Variants in RSU1 observed in about 807,000 individuals in gnomAD.
RSU1 encodes the protein rsu-1.
Under a neutral mutation model 31.1 loss-of-function variants are expected in RSU1, and 26 were observed. That is an observed-to-expected ratio of 0.84 (90% CI 0.61 to 1.16). The LOEUF is 1.16. Ranked by LOEUF, RSU1 falls within the 50% of genes most tolerant of loss-of-function variation. The pLI, the probability that RSU1 is intolerant of heterozygous loss-of-function variation, is 0.00. For missense variants in RSU1, 320 were observed against 339.1 expected, an observed-to-expected ratio of 0.94 and a Z score of 0.44; for synonymous variants, 164 against 136.3, an observed-to-expected ratio of 1.20 and a Z score of -1.41.
chr10:16,722,310 G>A (rs1836281461), intron 7 of RSU1, among the ~76,000 whole-genome samples: 2 of 152,144 alleles, frequency 1.3e-5, no homozygotes, highest in South Asian at 2.1e-4. Flanking sequence ...CCACACTAAT[G>A]AGGTGGGAAT....
chr10:16,676,122 T>A (rs1198727638), intron 8 of RSU1, among the ~76,000 whole-genome samples: 2 of 152,220 alleles, frequency 1.3e-5, no homozygotes, highest in Non-Finnish European at 2.9e-5. Flanking sequence ...TACCCTTTAA[T>A]ATGCATTAAC....
At chr10:16,671,501 T>C (rs868032528) in intron 8 of RSU1, among the ~76,000 whole-genome samples, 10 of 152,252 alleles carry the variant, frequency 6.6e-5, no homozygotes, top group Middle Eastern at 6.8e-3. Context: ...CAGGCTGGAG[T>C]ACAGTGGTAT....
At chr10:16,626,133 C>A (rs1288210734) in intron 8 of RSU1, among the ~76,000 whole-genome samples, 1 of 151,814 alleles carries the variant, frequency 6.6e-6, no homozygotes, top group African/African-American at 2.4e-5. Flanking sequence ...GCAGCCTCAT[C>A]CTCCCAGGCT....
intron 2 of RSU1, among the ~76,000 whole-genome samples, chr10:16,783,662 TTTTTTTTGTTTTG>T (rs1269664894): frequency 6.6e-6 from 1 of 152,110 alleles, no homozygotes; most frequent in Non-Finnish European, 1.5e-5. Flanking sequence ...CCGCATGTTT[TTTTTTTTGTTTTG>T]TTTTTTGTTT....
chr10:16,727,194 C>A (rs960991120), intron 7 of RSU1: 3 of 455,132 alleles, frequency 6.6e-6, no homozygotes, highest in African/African-American at 6.0e-5. Flanking sequence ...AGAGTGGACT[C>A]ACCTGGGCGG....
intron 8 of RSU1, among the ~76,000 whole-genome samples, chr10:16,684,274 C>G (rs920678878): frequency 6.6e-6 from 1 of 152,022 alleles, no homozygotes; most frequent in African/African-American, 2.4e-5. Context: ...TAATGTTATG[C>G]CAGAGTCAGA....
At chr10:16,799,062 G>A (rs776692765) in intron 2 of RSU1, among the ~76,000 whole-genome samples, 15 of 152,086 alleles carry the variant, frequency 9.9e-5, no homozygotes, top group African/African-American at 2.4e-4. Flanking sequence ...CTCCTAATGC[G>A]CATAAAAGAT....
At chr10:16,600,861 T>C (rs1833705429) in intron 8 of RSU1, among the ~76,000 whole-genome samples, 1 of 152,172 alleles carries the variant, frequency 6.6e-6, no homozygotes, top group African/African-American at 2.4e-5. Flanking sequence ...AGCGCCTGGC[T>C]GATAGGTGGA....
chr10:16,755,295 G>T (rs1357559793), intron 4 of RSU1, among the ~76,000 whole-genome samples: 3 of 151,854 alleles, frequency 2.0e-5, no homozygotes, highest in African/African-American at 7.3e-5. Flanking sequence ...GCTAATGTTT[G>T]TATTTTTTGC....
intron 7 of RSU1, among the ~76,000 whole-genome samples, chr10:16,747,177 C>T (rs887142524): frequency 1.3e-5 from 2 of 152,186 alleles, no homozygotes; most frequent in African/African-American, 2.4e-5. Flanking sequence ...ATCCTCGATC[C>T]TTCTGGCTTC....
chr10:16,764,805 A>G (rs2131631708), intron 3 of RSU1, among the ~76,000 whole-genome samples: 1 of 152,322 alleles, frequency 6.6e-6, no homozygotes, highest in Non-Finnish European at 1.5e-5. Context: ...GAATTTCTGT[A>G]CCATAAACAG....
intron 1 of RSU1, 83 bp downstream of exon 1, chr10:16,817,232 G>C: frequency 2.2e-6 from 1 of 455,850 alleles, no homozygotes; most frequent in Non-Finnish European, 3.7e-6. Context: ...CGGGTGCGGG[G>C]AGGGGATGGA....
At chr10:16,750,078 T>C (rs1836944138) in intron 7 of RSU1, among the ~76,000 whole-genome samples, 1 of 152,182 alleles carries the variant, frequency 6.6e-6, no homozygotes, top group Non-Finnish European at 1.5e-5. Context: ...TTACGATAAT[T>C]ATAGGTGATA....
intron 8 of RSU1, among the ~76,000 whole-genome samples, chr10:16,632,567 C>T (rs563130567): frequency 6.6e-6 from 1 of 152,322 alleles, no homozygotes; most frequent in Admixed American, 6.5e-5. Context: ...TCACAACCAC[C>T]ATGCCCCACA....
intron 8 of RSU1, among the ~76,000 whole-genome samples, chr10:16,604,531 C>T (rs1291902130): frequency 2.0e-5 from 3 of 152,148 alleles, no homozygotes; most frequent in Admixed American, 2.0e-4. Flanking sequence ...AGCTCCCCTC[C>T]TATACCTTCT....
chr10:16,785,055 T>G (rs1329678357), intron 2 of RSU1, among the ~76,000 whole-genome samples: 2 of 152,170 alleles, frequency 1.3e-5, no homozygotes, highest in African/African-American at 4.8e-5. Context: ...ATGCTAAGTA[T>G]TGATCCTAGG....
chr10:16,785,469 T>TATATACATATATACATATATATAC (rs1190894470), intron 2 of RSU1, among the ~76,000 whole-genome samples: 5 of 130,694 alleles, frequency 3.8e-5, no homozygotes, highest in African/African-American at 1.4e-4. Context: ...CATATATATA[T>TATATACATATATACATATATATAC]ACACATATAT....
intron 8 of RSU1, among the ~76,000 whole-genome samples, chr10:16,691,810 C>G (rs980043476): frequency 1.4e-5 from 2 of 147,742 alleles, no homozygotes; most frequent in African/African-American, 5.0e-5. Context: ...TCTATCTCAA[C>G]TCACTGCAAC....
Position 16,598,822 on chromosome 10 carries a change from A to G in RSU1, c.732-5326T>C, listed in dbSNP as rs1312079223. ...GTTCTTGGTAATGTGTTAGAGCAATAGAGAACTAACATAGTAGGTGAGCCT... is the reference window on the plus strand; with the variant it reads ...GTTCTTGGTAATGTGTTAGAGCAATGGAGAACTAACATAGTAGGTGAGCCT... On this transcript the variant is annotated intron_variant, in intron 8 of 8. Coordinates refer to ENST00000345264, the MANE Select transcript of RSU1 (RefSeq NM_012425.4). 2.0e-5 allele frequency among the ~76,000 whole-genome samples: 3 copies of G among 152,258 alleles called. No homozygotes were observed. The South Asian group carries it at 6.2e-4, about 31-fold the overall frequency.
Sources: gnomAD v4.1 joint callset for allele counts (sites outside exome capture counted in the v4.1 genomes callset) on GRCh38, gnomAD v4.1.1 for gene constraint, MANE v1.5 for transcripts, NCBI Gene and HGNC (gene_info 2026-07-23, HGNC 2026-07-21) for gene names.